STT3A: variants seen among roughly 807,000 people sequenced by gnomAD.
The protein encoded by STT3A is dolichyl-diphosphooligosaccharide--protein glycosyltransferase subunit STT3A.
In STT3A, 34 loss-of-function variants were observed where a neutral mutation model predicts 89.2. The observed-to-expected ratio is 0.38, with a 90% CI of 0.29 to 0.51. The LOEUF (loss-of-function observed/expected upper bound fraction) is 0.51, where lower values mean the gene tolerates loss of function less well. STT3A is among the 20% of genes least tolerant of loss of function. The probability of loss-of-function intolerance (pLI) is 0.89; values close to 1 mark genes in which losing one functional copy is unlikely to be tolerated. For synonymous variants in STT3A, 282 were observed against 310.3 expected (o/e 0.91, Z 0.96); for missense variants, 555 against 889.5 (o/e 0.62, Z 4.78).
intron 1 of STT3A, chr11:125,594,716 AGT>A (rs1418220355): frequency 3.9e-5 from 6 of 152,254 alleles, no homozygotes; most frequent in African/African-American, 1.4e-4. Context: ...GCCTACAGAT[AGT>A]GTCCCTCAAC....
At chr11:125,605,042 C>A (rs1442369184) in intron 6 of STT3A, among the ~76,000 whole-genome samples, 1 of 151,920 alleles carries the variant, frequency 6.6e-6, no homozygotes, top group East Asian at 1.9e-4. Flanking sequence ...GTTGAGGCTG[C>A]GGTGAGCTGT....
upstream of STT3A, chr11:125,592,721 T>A (rs12277295): frequency 5.8e-3 from 1,689 of 291,758 alleles, 29 homozygotes; most frequent in African/African-American, 0.032. Flanking sequence ...ATTAAAAACT[T>A]GAATCGCGGC....
intron 2 of STT3A, 31 bp downstream of exon 2, chr11:125,596,034 G>T: frequency 6.6e-7 from 1 of 1,504,888 alleles, no homozygotes; most frequent in South Asian, 1.2e-5. Context: ...CTCTTTCTTT[G>T]GGGATAGAAA....
Position 125,607,078 on chromosome 11 carries a change from G to A in STT3A, c.780+613G>A, listed in dbSNP as rs146680956. Among the ~76,000 whole-genome samples, 4 of 152,318 alleles carry A rather than the reference G, an allele frequency of 2.6e-5. No homozygotes were observed. The East Asian group carries it at 7.7e-4, about 29-fold the overall frequency. Reference sequence around the variant, plus strand: ...ATGGTGTGAAAGTGATCTGCATTGAGTAGAAACCGTACTTCCAGTACCCAT... The same window carrying A: ...ATGGTGTGAAAGTGATCTGCATTGAATAGAAACCGTACTTCCAGTACCCAT... On this transcript the variant is annotated intron_variant, in intron 8 of 17. Transcript: ENST00000392708.
chr11:125,598,255 G>A (rs1438844007), intron 3 of STT3A, among the ~76,000 whole-genome samples: 2 of 152,032 alleles, frequency 1.3e-5, no homozygotes, highest in African/African-American at 4.8e-5. Flanking sequence ...GACTCAGGCT[G>A]GGAGTGGTTA....
intron 3 of STT3A, among the ~76,000 whole-genome samples, chr11:125,597,339 C>G (rs970535650): frequency 5.3e-5 from 8 of 149,548 alleles, no homozygotes; most frequent in Admixed American, 1.4e-4. Flanking sequence ...AATCCCAGCA[C>G]TTTGGGAGGC....
chr11:125,609,694 A>T (rs1261653490), intron 10 of STT3A, 105 bp downstream of exon 10: 1 of 1,449,388 alleles, frequency 6.9e-7, no homozygotes, highest in Non-Finnish European at 9.3e-7. Context: ...TTGCCTGTTT[A>T]TGTTGTGTAA....
At position 125,622,289 on chromosome 11, in the gene STT3A, G is replaced by A. The variant is rs1163311436; in HGVS notation, c.*1479G>A. The stretch of plus-strand genomic sequence containing the variant: ...CCTTCCAAACCAATTTATATACCAT[G>A]TTCTTCAACTGTGGGTGAGATTTAG... On this transcript the variant is annotated 3_prime_UTR_variant, in exon 18 of 18. Coordinates refer to ENST00000392708, the MANE Select transcript of STT3A (RefSeq NM_152713.5). The A allele has an allele frequency of 6.6e-6, 1 of 152,138 alleles. No individual in the cohort carries two copies. 9.4% of individuals were successfully genotyped at this position (152,138 alleles called of 1,614,324 possible).
intron 3 of STT3A, among the ~76,000 whole-genome samples, chr11:125,599,558 G>A (rs963028293): frequency 4.6e-5 from 7 of 151,912 alleles, no homozygotes; most frequent in Admixed American, 6.6e-5. Flanking sequence ...TTACAGGCAC[G>A]CGCCACCATG....
chr11:125,611,746 C>T (rs967792677), intron 11 of STT3A, among the ~76,000 whole-genome samples: 1 of 151,388 alleles, frequency 6.6e-6, no homozygotes, highest in African/African-American at 2.4e-5. Flanking sequence ...ATTATAGAAG[C>T]ATTTTTGCAC....
chr11:125,594,340 G>A (rs1271192140), intron 1 of STT3A, among the ~76,000 whole-genome samples: 1 of 152,114 alleles, frequency 6.6e-6, no homozygotes, highest in African/African-American at 2.4e-5. Context: ...CCAGCACTTT[G>A]GGAGGCTGAG....
chr11:125,599,192 A>G (rs1939594360), intron 3 of STT3A, among the ~76,000 whole-genome samples: 1 of 152,122 alleles, frequency 6.6e-6, no homozygotes, highest in African/African-American at 2.4e-5. Context: ...GATGTCTGCA[A>G]CCCTCATCTC....
intron 8 of STT3A, among the ~76,000 whole-genome samples, chr11:125,607,484 G>A (rs1433581400): frequency 6.6e-6 from 1 of 152,188 alleles, no homozygotes. Flanking sequence ...GTCTATATCC[G>A]ATAGGCTACA....
At chr11:125,600,482 C>T (rs764465493) in intron 3 of STT3A, among the ~76,000 whole-genome samples, 51 of 152,070 alleles carry the variant, frequency 3.4e-4, no homozygotes, top group Non-Finnish European at 7.4e-4. Flanking sequence ...TTATTTCAGC[C>T]TCCTGAGTAG....
chr11:125,597,170 T>C, intron 3 of STT3A, 51 bp downstream of exon 3: 1 of 1,589,072 alleles, frequency 6.3e-7, no homozygotes, highest in South Asian at 1.1e-5. Flanking sequence ...GGCATTCAGG[T>C]TCATGGGTTT....
At chr11:125,603,750 A>G (rs1167291671) in intron 5 of STT3A, among the ~76,000 whole-genome samples, 1 of 152,192 alleles carries the variant, frequency 6.6e-6, no homozygotes, top group Non-Finnish European at 1.5e-5. Flanking sequence ...TTTAACTGAA[A>G]TAATAATTTT....
Position 125,614,527 on chromosome 11 carries a change from AT to A in STT3A, c.1774+106del, listed in dbSNP as rs568591077. 1.0e-3 allele frequency: 1,228 copies of A among 1,209,692 alleles called. 7 individuals carry two copies. In the Middle Eastern group the frequency reaches 0.015, roughly 15 times the overall value. The allele number at this position is 1,209,692 out of a possible 1,614,324, so 74.9% of individuals were successfully genotyped here. ...ACTTTTACTAATATTTTACTAAGAT[AT>A]TTTTCTTTCATGGGAAGTTCCTAAG... is the stretch of plus-strand genomic sequence containing the variant. On this transcript the variant is annotated intron_variant, in intron 15 of 17. Coordinates refer to ENST00000392708, the MANE Select transcript of STT3A (RefSeq NM_152713.5). The surrounding 1 kb of genome is among the most constrained non-coding windows in gnomAD (Gnocchi z 4.9).
At chr11:125,599,001 C>T (rs1342631846) in intron 3 of STT3A, among the ~76,000 whole-genome samples, 1 of 152,194 alleles carries the variant, frequency 6.6e-6, no homozygotes, top group Non-Finnish European at 1.5e-5. Context: ...AATGCAAGAG[C>T]ATCTGCTTTG....
intron 10 of STT3A, 53 bp from the exon 11 acceptor site, chr11:125,611,375 T>C: frequency 7.1e-7 from 1 of 1,407,948 alleles, no homozygotes; most frequent in Non-Finnish European, 1.0e-6. Flanking sequence ...CTTTACCTTG[T>C]AGGTTTCAAC....
Sources: gnomAD v4.1 joint callset for allele counts (sites outside exome capture counted in the v4.1 genomes callset) on GRCh38, gnomAD v4.1.1 for gene constraint, Gnocchi (gnomAD v3.1) non-coding constraint, MANE v1.5 for transcripts, NCBI Gene and HGNC (gene_info 2026-07-23, HGNC 2026-07-21) for gene names.